Variants in SLC2A9 observed in about 807,000 individuals in gnomAD.
SLC2A9 encodes solute carrier family 2 member 9.
In SLC2A9, 39 loss-of-function variants were observed where a neutral mutation model predicts 50.6. The ratio of observed to expected loss-of-function variants is 0.77; its 90% CI spans 0.60 to 1.01. SLC2A9 has a LOEUF of 1.01. Among genes scored for constraint, SLC2A9 ranks in the 50% least tolerant of loss-of-function variants. The pLI is 0.00. For synonymous variants in SLC2A9, 324 were observed against 276.9 expected (o/e 1.17, Z -1.69); for missense variants, 686 against 677.6 (o/e 1.01, Z -0.14).
chr4:9,827,729 G>A (rs1317563806), intron 11 of SLC2A9, among the ~76,000 whole-genome samples: 1 of 152,182 alleles, frequency 6.6e-6, no homozygotes, highest in Non-Finnish European at 1.5e-5. Context: ...TGCAGTAAAT[G>A]TTCCACACCT....
rs1553915006 is a variant in SLC2A9, at chr4:10,018,542, A to AAGATGAT, written c.249+426_249+432dup. Among the ~76,000 whole-genome samples the AAGATGAT allele has an allele frequency of 1.0e-3, 137 of 137,314 alleles. 1 individual carries two copies. Among genetic ancestry groups the AAGATGAT allele is most frequent in the African/African-American group, 3.5e-3 (132 of 37,540 alleles). 90.1% of individuals were successfully genotyped at this position (137,314 alleles called of 152,430 possible). ...GGTGACAGAGTGAGACTCCATCTCA[A>AAGATGAT]AGATGATAGATAGATAGATAGATAG... is the stretch of plus-strand genomic sequence containing the variant. On this transcript the variant is annotated intron_variant, in intron 2 of 11. Transcript: ENST00000264784.
At chr4:9,957,235 G>A (rs538504160) in intron 5 of SLC2A9, among the ~76,000 whole-genome samples, 2 of 151,444 alleles carry the variant, frequency 1.3e-5, no homozygotes, top group African/African-American at 4.8e-5. Context: ...ATAAATCTCA[G>A]AGCCCTCAGT....
At chr4:9,818,398 G>T (rs1723931781) in intron 3 of SLC2A9, among the ~76,000 whole-genome samples, 2 of 152,226 alleles carry the variant, frequency 1.3e-5, no homozygotes, top group South Asian at 4.1e-4. Context: ...CAGGTAAGGG[G>T]AACTTTATTC....
At chr4:9,785,068 A>G (rs1426217268) in intron 3 of SLC2A9, among the ~76,000 whole-genome samples, 5 of 152,220 alleles carry the variant, frequency 3.3e-5, no homozygotes, top group Non-Finnish European at 7.3e-5. Context: ...GTCCGTGTTC[A>G]GTTTCTGACC....
At chr4:9,809,852 C>CT (rs367720738) in intron 3 of SLC2A9, among the ~76,000 whole-genome samples, 2,022 of 140,084 alleles carry the variant, frequency 0.014, 20 homozygotes, top group African/African-American at 0.026. Context: ...GTTTTCTTTT[C>CT]TTTTTTTTTT....
intron 3 of SLC2A9, among the ~76,000 whole-genome samples, chr4:9,810,865 C>T (rs535541675): frequency 3.3e-4 from 51 of 152,336 alleles, no homozygotes; most frequent in African/African-American, 1.2e-3. Flanking sequence ...CTTTGACACC[C>T]TGAACTTTAT....
chr4:9,942,958 C>T (rs560584088), intron 5 of SLC2A9, among the ~76,000 whole-genome samples: 5 of 152,366 alleles, frequency 3.3e-5, no homozygotes, highest in African/African-American at 1.2e-4. Flanking sequence ...ATAAGACACA[C>T]TCAGACCTGA....
Position 10,008,900 on chromosome 4 carries a change from GT to G in SLC2A9, c.249+10074del, listed in dbSNP as rs1553911923. 3.2e-3 allele frequency among the ~76,000 whole-genome samples: 427 copies of G among 134,846 alleles called. 2 individuals carry two copies. Among genetic ancestry groups the G allele is most frequent in the Middle Eastern group, 0.011 (3 of 262 alleles). 88.5% of individuals were successfully genotyped at this position (134,846 alleles called of 152,430 possible). ...TTCATTATCAAATTTCTGTGCGGTG[GT>G]TTTTTTTTTTTTTTTTCCTAATGGA... On this transcript the variant is annotated intron_variant, in intron 2 of 11. Transcript: ENST00000264784.
chr4:9,927,938 T>C (rs1396854432), intron 6 of SLC2A9, among the ~76,000 whole-genome samples: 1 of 152,194 alleles, frequency 6.6e-6, no homozygotes, highest in Non-Finnish European at 1.5e-5. Context: ...TGGTTTCAAT[T>C]GAATTAACCC....
At chr4:9,894,884 T>G (rs935493334) in intron 8 of SLC2A9, among the ~76,000 whole-genome samples, 1 of 152,230 alleles carries the variant, frequency 6.6e-6, no homozygotes, top group African/African-American at 2.4e-5. Flanking sequence ...TCAGCATGTG[T>G]TACATTGTCA....
At chr4:9,962,404 C>T (rs995661854) in intron 5 of SLC2A9, among the ~76,000 whole-genome samples, 3 of 152,158 alleles carry the variant, frequency 2.0e-5, no homozygotes, top group African/African-American at 7.2e-5. Flanking sequence ...AGAACAAAAT[C>T]ATATCCTTTG....
chr4:9,906,137 C>T (rs1740619439), intron 8 of SLC2A9, among the ~76,000 whole-genome samples: 1 of 152,232 alleles, frequency 6.6e-6, no homozygotes. Flanking sequence ...GTACAATCCT[C>T]AGCCCATCCC....
downstream of SLC2A9, among the ~76,000 whole-genome samples, chr4:9,795,422 T>G (rs1720479402): frequency 6.6e-6 from 1 of 152,170 alleles, no homozygotes; most frequent in Admixed American, 6.5e-5. Flanking sequence ...TCAAGGAGGA[T>G]TCTTCTTGAA....
chr4:9,844,588 CT>C (rs1372802906), intron 10 of SLC2A9, among the ~76,000 whole-genome samples: 1 of 152,222 alleles, frequency 6.6e-6, no homozygotes, highest in Non-Finnish European at 1.5e-5. Flanking sequence ...ATGAGACTTA[CT>C]TTTTGAAAAC....
intron 3 of SLC2A9, among the ~76,000 whole-genome samples, chr4:9,815,429 T>C (rs935515351): frequency 2.0e-5 from 3 of 152,336 alleles, no homozygotes; most frequent in Middle Eastern, 3.4e-3. Flanking sequence ...TAGCTTAAAC[T>C]AGACAGAAGT....
intron 10 of SLC2A9, among the ~76,000 whole-genome samples, chr4:9,839,828 G>T (rs772187434): frequency 3.3e-5 from 5 of 152,062 alleles, no homozygotes; most frequent in Non-Finnish European, 7.4e-5. Flanking sequence ...GCTTACTGGA[G>T]GGTGGGAAAA....
Position 10,021,467 on chromosome 4 carries a change from C to G in SLC2A9, c.-38G>C. 6.2e-7 allele frequency: 1 copy of G among 1,613,520 alleles called. No individual in the cohort carries two copies. The highest frequency in any genetic ancestry group is 8.5e-7 in the Non-Finnish European group (1 of 1,179,828). ...CCCAGCTGATGGCTCAGTCCAGGGA[C>G]CCCAGACTCTGCCAAGGCATTTCCG... On this transcript the variant is annotated 5_prime_UTR_variant, in exon 1 of 12. Transcript: ENST00000264784.
intron 10 of SLC2A9, among the ~76,000 whole-genome samples, chr4:9,861,273 C>A (rs1012657402): frequency 2.0e-5 from 3 of 151,902 alleles, no homozygotes; most frequent in African/African-American, 7.3e-5. Flanking sequence ...GCAGCAGGAA[C>A]AAAATAGAGG....
chr4:9,968,843 T>C (rs1753453425), intron 5 of SLC2A9, among the ~76,000 whole-genome samples: 1 of 152,188 alleles, frequency 6.6e-6, no homozygotes, highest in Admixed American at 6.5e-5. Flanking sequence ...TTACTAAATT[T>C]TTTTATTACT....
Sources: gnomAD v4.1 joint callset for allele counts (sites outside exome capture counted in the v4.1 genomes callset) on GRCh38, gnomAD v4.1.1 for gene constraint, MANE v1.5 for transcripts, NCBI Gene and HGNC (gene_info 2026-07-23, HGNC 2026-07-21) for gene names.